Variants in UGGT2 observed in about 807,000 individuals in gnomAD.
The protein encoded by UGGT2 is UDP-glucose:glycoprotein glucosyltransferase 2.
A neutral mutation model predicts 192.1 loss-of-function variants in UGGT2; 180 were observed. That is an observed-to-expected ratio of 0.94 (90% CI 0.83 to 1.06). UGGT2 has a LOEUF of 1.06. Among genes scored for constraint, UGGT2 ranks in the 50% least tolerant of loss-of-function variants. The pLI is 0.00. For synonymous variants in UGGT2, 580 were observed against 591.0 expected (o/e 0.98, Z 0.27); for missense variants, 1,849 against 1,795.7 (o/e 1.03, Z -0.54).
intron 36 of UGGT2, among the ~76,000 whole-genome samples, chr13:95,853,043 G>C (rs762927091): frequency 6.6e-6 from 1 of 152,142 alleles, no homozygotes; most frequent in African/African-American, 2.4e-5. Flanking sequence ...CTGTTCTCTT[G>C]ACAGTGAGTG....
intron 38 of UGGT2, among the ~76,000 whole-genome samples, chr13:95,828,689 C>CA (rs1225143321): frequency 2.2e-4 from 33 of 151,840 alleles, no homozygotes; most frequent in South Asian, 6.2e-4. Flanking sequence ...GCCTACCAAC[C>CA]AAAAAAAACT....
intron 10 of UGGT2, 73 bp from the exon 11 acceptor site, chr13:95,972,744 T>C (rs2050814462): frequency 1.1e-5 from 12 of 1,134,632 alleles, no homozygotes; most frequent in Non-Finnish European, 1.6e-5. Flanking sequence ...CACCATATTA[T>C]TTCTATAAAG....
At chr13:95,869,648 G>T (rs1489563725) in intron 29 of UGGT2, among the ~76,000 whole-genome samples, 1 of 152,106 alleles carries the variant, frequency 6.6e-6, no homozygotes, top group African/African-American at 2.4e-5. Flanking sequence ...AGATAGTCTG[G>T]CTCTTCACCA....
At chr13:95,981,143 ACC>A (rs1317902968) in intron 10 of UGGT2, among the ~76,000 whole-genome samples, 1 of 152,112 alleles carries the variant, frequency 6.6e-6, no homozygotes, top group Non-Finnish European at 1.5e-5. Context: ...GCTCTGCAGT[ACC>A]CCCAAGTGAG....
intron 20 of UGGT2, among the ~76,000 whole-genome samples, chr13:95,903,415 A>G (rs2048170169): frequency 6.6e-6 from 1 of 152,192 alleles, no homozygotes; most frequent in African/African-American, 2.4e-5. Context: ...AGCAACTCCA[A>G]AAAGATTCCG....
Position 95,856,312 on chromosome 13 carries a change from T to C in UGGT2, c.3854A>G (p.Tyr1285Cys). ...KEVIPHMAKEYGFRYELVQYR... is the reference protein window; with the variant it reads ...KEVIPHMAKECGFRYELVQYR... ...TTGAACTAGTTCATATCGGAATCCA[T>C]ACTCTTTAGCCATGTGAGGAATTAC... Residue 1285 changes from tyrosine (Y) to cysteine (C), a missense_variant, in exon 34 of 39, where the codon TAT becomes TGT. By Grantham distance (194) the Tyr-to-Cys change is radical (BLOSUM62 -2). Transcript: ENST00000376747. The C allele has an allele frequency of 6.2e-7, 1 of 1,611,420 alleles. No homozygotes were observed. The highest frequency in any genetic ancestry group is 8.5e-7 in the Non-Finnish European group (1 of 1,179,352).
At chr13:95,893,532 TA>T (rs1178428879) in intron 24 of UGGT2, among the ~76,000 whole-genome samples, 1 of 152,232 alleles carries the variant, frequency 6.6e-6, no homozygotes, top group Non-Finnish European at 1.5e-5. Flanking sequence ...TGTATTATCC[TA>T]ATTATCAATT....
At chr13:95,989,369 G>A (rs1178032723) in intron 8 of UGGT2, among the ~76,000 whole-genome samples, 2 of 152,046 alleles carry the variant, frequency 1.3e-5, no homozygotes, top group South Asian at 4.2e-4. Context: ...GTTAGATTAT[G>A]CAGAAAGATG....
At chr13:96,012,772 G>A (rs2052204833) in intron 5 of UGGT2, among the ~76,000 whole-genome samples, 1 of 151,766 alleles carries the variant, frequency 6.6e-6, no homozygotes, top group African/African-American at 2.4e-5. Context: ...GTGCATGTAT[G>A]TGCTCTGAAA....
At chr13:95,901,928 C>T (rs1006905043) in intron 21 of UGGT2, among the ~76,000 whole-genome samples, 1 of 152,110 alleles carries the variant, frequency 6.6e-6, no homozygotes, top group Non-Finnish European at 1.5e-5. Flanking sequence ...GTCTATCATC[C>T]TTCCCATGGC....
intron 29 of UGGT2, among the ~76,000 whole-genome samples, chr13:95,868,890 T>A (rs1029761692): frequency 1.3e-5 from 2 of 152,086 alleles, no homozygotes; most frequent in East Asian, 1.9e-4. Flanking sequence ...ACTGTTTTTT[T>A]TTTATTTATT....
At chr13:96,030,785 A>G (rs949734926) in intron 2 of UGGT2, among the ~76,000 whole-genome samples, 75 of 152,214 alleles carry the variant, frequency 4.9e-4, no homozygotes, top group African/African-American at 1.8e-3. Context: ...ACACATTAAT[A>G]AACACTTTTT....
intron 30 of UGGT2, among the ~76,000 whole-genome samples, chr13:95,864,566 A>C (rs1890470038): frequency 6.6e-6 from 1 of 152,166 alleles, no homozygotes; most frequent in Non-Finnish European, 1.5e-5. Context: ...ACATTCCACC[A>C]GCAGAGAACT....
rs780090354 is a variant in UGGT2, at chr13:95,940,060, A to G, written c.1709T>C (p.Ile570Thr). The G allele has an allele frequency of 8.1e-5, 127 of 1,558,312 alleles. No homozygotes were observed. In the South Asian group the frequency reaches 8.8e-4, roughly 11 times the overall value. The change falls in exon 16 of 39, where the codon ATA becomes ACA. Residue 570 changes from isoleucine (I) to threonine (T), a missense_variant. Physicochemically the swap from Ile to Thr is moderately conservative, Grantham distance 89 (BLOSUM62 -1). Transcript: ENST00000376747. ...MYQKVKKDQN[I>T]LTVDNVKSVL... ...ACTCTTCACATTGTCCACAGTGAGT[A>G]TATTTTGATCCTTCTTCACTTTTTG... is the stretch of plus-strand genomic sequence containing the variant.
At chr13:95,831,796 A>G (rs1188000056) in intron 38 of UGGT2, among the ~76,000 whole-genome samples, 1 of 152,154 alleles carries the variant, frequency 6.6e-6, no homozygotes, top group Admixed American at 6.6e-5. Flanking sequence ...ATACTTATAT[A>G]TAAGAAAAAG....
intron 10 of UGGT2, among the ~76,000 whole-genome samples, chr13:95,978,514 G>C (rs1303940056): frequency 6.6e-6 from 1 of 152,116 alleles, no homozygotes; most frequent in Non-Finnish European, 1.5e-5. Flanking sequence ...TCTCTGTACA[G>C]AACATTTTTA....
intron 4 of UGGT2, among the ~76,000 whole-genome samples, chr13:96,020,585 C>T (rs945095841): frequency 6.6e-6 from 1 of 152,132 alleles, no homozygotes; most frequent in South Asian, 2.1e-4. Context: ...AGTTTGAGTG[C>T]CTTTTCCTTA....
chr13:95,811,228 T>TA (rs1884565800), intron 38 of UGGT2, among the ~76,000 whole-genome samples: 1 of 152,220 alleles, frequency 6.6e-6, no homozygotes, highest in African/African-American at 2.4e-5. Context: ...AGTTACCATA[T>TA]GACCCAGTGA....
In UGGT2 at chr13:96,053,247, C is replaced by A. The variant is rs766461071; in HGVS notation, c.66G>T (p.Ser22=). 1.9e-6 allele frequency: 3 copies of A among 1,557,852 alleles called. No individual in the cohort carries two copies. Among genetic ancestry groups the A allele is most frequent in the African/African-American group, 2.8e-5 (2 of 72,654 alleles). ...CGGCGACCGTCCCGGAGCCGAGCTG[C>A]GAAAGCCACAGCGCTGTGGAGCCTA... ...LLLGSTALWL[S]QLGSGTVAAS... Residue 22 remains serine, a synonymous_variant, in exon 1 of 39, where the codon TCG becomes TCT. Transcript: ENST00000376747.
Sources: allele counts gnomAD v4.1 joint callset (sites outside exome capture counted in the v4.1 genomes callset), GRCh38; gene constraint gnomAD v4.1.1; transcripts MANE v1.5; gene names NCBI Gene and HGNC (gene_info 2026-07-23, HGNC 2026-07-21).